EXOC4: variants seen among roughly 807,000 people sequenced by gnomAD.
EXOC4 encodes exocyst complex component 4.
In EXOC4, 71 loss-of-function variants were observed where a neutral mutation model predicts 107.2. The ratio of observed to expected loss-of-function variants is 0.66; its 90% CI spans 0.55 to 0.81. The LOEUF is 0.81. Ranked by LOEUF, EXOC4 falls within the 30% of genes least tolerant of loss-of-function variation. The pLI is 0.00. For synonymous variants in EXOC4, 456 were observed against 441.2 expected, an observed-to-expected ratio of 1.03 and a Z score of -0.42; for missense variants, 1,108 against 1,189.6, an observed-to-expected ratio of 0.93 and a Z score of 1.01.
intron 6 of EXOC4, among the ~76,000 whole-genome samples, chr7:133,361,654 A>G (rs1563035191): frequency 6.6e-6 from 1 of 152,216 alleles, no homozygotes; most frequent in Non-Finnish European, 1.5e-5. Flanking sequence ...AACAGATTGT[A>G]TTATCAAATA....
intron 10 of EXOC4, among the ~76,000 whole-genome samples, chr7:133,763,730 C>T (rs1176864510): frequency 6.6e-6 from 1 of 150,660 alleles, no homozygotes; most frequent in Non-Finnish European, 1.5e-5. Flanking sequence ...CAACAGCAAA[C>T]ACTTTCAAGA....
intron 9 of EXOC4, among the ~76,000 whole-genome samples, chr7:133,565,323 C>T (rs1563109951): frequency 6.6e-6 from 1 of 152,150 alleles, no homozygotes; most frequent in South Asian, 2.1e-4. Flanking sequence ...ATTATAGTCT[C>T]CTCATGGGGT....
intron 10 of EXOC4, among the ~76,000 whole-genome samples, chr7:133,667,755 G>A (rs569807165): frequency 5.3e-5 from 8 of 152,016 alleles, no homozygotes; most frequent in Non-Finnish European, 7.4e-5. Context: ...AGGAATTTTC[G>A]CTGTATTTCC....
intron 11 of EXOC4, among the ~76,000 whole-genome samples, chr7:133,857,566 G>A (rs1299923506): frequency 6.7e-6 from 1 of 149,670 alleles, no homozygotes; most frequent in Non-Finnish European, 1.5e-5. Context: ...TGCCCACTGA[G>A]GGCAAGCCAG....
chr7:133,800,626 T>G lies in EXOC4; in HGVS notation c.1515-16699T>G, dbSNP rs537444659. 2.2e-3 allele frequency among the ~76,000 whole-genome samples: 330 copies of G among 152,330 alleles called. 2 individuals are homozygous for G. The highest frequency in any genetic ancestry group is 7.3e-3 in the African/African-American group (305 of 41,576). ...GATGATAGGATTTTCTTTCTTTTGT[T>G]TCAAAAGTTGAAGCAATCTTAGGAA... is the stretch of plus-strand genomic sequence containing the variant. On this transcript the variant is annotated intron_variant, in intron 10 of 17. Transcript: ENST00000253861.
At chr7:133,441,641 C>A (rs986454612) in intron 7 of EXOC4, among the ~76,000 whole-genome samples, 2 of 152,160 alleles carry the variant, frequency 1.3e-5, no homozygotes, top group Non-Finnish European at 2.9e-5. Flanking sequence ...AATTCACCCA[C>A]CTCGGCCTCC....
chr7:133,502,931 C>T (rs1799600715), intron 9 of EXOC4, among the ~76,000 whole-genome samples: 1 of 152,050 alleles, frequency 6.6e-6, no homozygotes, highest in South Asian at 2.1e-4. Context: ...TTTAAGAGAC[C>T]TTGTCAGTAT....
downstream of EXOC4, among the ~76,000 whole-genome samples, chr7:134,068,920 C>G (rs1306889334): frequency 6.6e-6 from 1 of 152,158 alleles, no homozygotes; most frequent in Non-Finnish European, 1.5e-5. Context: ...TGTTACAGCT[C>G]AGGTTGATAT....
At chr7:134,076,368 A>G in the EXOC4 span, among the ~76,000 whole-genome samples, 2 of 152,120 alleles carry the variant, frequency 1.3e-5, no homozygotes, top group Non-Finnish European at 2.9e-5. Flanking sequence ...ATACAGAAAA[A>G]TTAGCTGGGC....
At chr7:133,342,552 A>G (rs749900015) in intron 5 of EXOC4, among the ~76,000 whole-genome samples, 1 of 152,016 alleles carries the variant, frequency 6.6e-6, no homozygotes, top group Non-Finnish European at 1.5e-5. Context: ...AGCTTCTTTT[A>G]TTTGGATGTC....
intron 9 of EXOC4, among the ~76,000 whole-genome samples, chr7:133,523,712 G>A (rs928713928): frequency 2.6e-5 from 4 of 151,740 alleles, no homozygotes; most frequent in Admixed American, 6.6e-5. Flanking sequence ...TTGTTCTTGC[G>A]ATAGTTTACT....
chr7:133,266,817 A>G (rs1321519790), intron 1 of EXOC4, among the ~76,000 whole-genome samples: 3 of 152,208 alleles, frequency 2.0e-5, no homozygotes, highest in Admixed American at 6.5e-5. Flanking sequence ...TAGGTCTTCC[A>G]TGTTTTTTAA....
chr7:133,275,254 C>A, intron 2 of EXOC4, 83 bp downstream of exon 2: 1 of 1,126,692 alleles, frequency 8.9e-7, no homozygotes, highest in Non-Finnish European at 1.2e-6. Flanking sequence ...ATGGTAGTGG[C>A]TAATGGTCCT....
At chr7:133,910,455 C>T (rs1382248141) in intron 12 of EXOC4, among the ~76,000 whole-genome samples, 2 of 152,152 alleles carry the variant, frequency 1.3e-5, no homozygotes, top group African/African-American at 4.8e-5. Flanking sequence ...CCAGAGTTAT[C>T]AGAAGTTGTC....
At chr7:133,905,814 T>TGC (rs1283086818) in intron 12 of EXOC4, among the ~76,000 whole-genome samples, 1 of 152,132 alleles carries the variant, frequency 6.6e-6, no homozygotes, top group Non-Finnish European at 1.5e-5. Context: ...CTAGAACTCA[T>TGC]GCTGGACATG....
chr7:133,788,594 G>A (rs1166594328), intron 10 of EXOC4, among the ~76,000 whole-genome samples: 1 of 152,036 alleles, frequency 6.6e-6, no homozygotes, highest in East Asian at 1.9e-4. Flanking sequence ...CCGGGTTCAA[G>A]CAATTCTCCT....
At chr7:133,507,925 G>A (rs1799696150) in intron 9 of EXOC4, among the ~76,000 whole-genome samples, 1 of 152,084 alleles carries the variant, frequency 6.6e-6, no homozygotes, top group Non-Finnish European at 1.5e-5. Context: ...ACTGGGCATG[G>A]TAGTGCATGC....
At chr7:133,339,531 T>A (rs940846876) in intron 5 of EXOC4, among the ~76,000 whole-genome samples, 1 of 152,192 alleles carries the variant, frequency 6.6e-6, no homozygotes, top group African/African-American at 2.4e-5. Flanking sequence ...GATTGTTTTT[T>A]CTAGTTCTGT....
At chr7:133,915,823 A>G (rs989643220) in intron 12 of EXOC4, among the ~76,000 whole-genome samples, 3 of 152,220 alleles carry the variant, frequency 2.0e-5, no homozygotes, top group Non-Finnish European at 2.9e-5. Flanking sequence ...TCTGTAATCC[A>G]ATTTTTGTGT....
Sources: gnomAD v4.1 joint callset for allele counts (sites outside exome capture counted in the v4.1 genomes callset) on GRCh38, gnomAD v4.1.1 for gene constraint, MANE v1.5 for transcripts, NCBI Gene and HGNC (gene_info 2026-07-23, HGNC 2026-07-21) for gene names.